Variants in NAGK observed in about 807,000 individuals in gnomAD.
The protein encoded by NAGK is N-acetyl-D-glucosamine kinase.
NAGK carries 35 observed loss-of-function variants against 42.9 expected under a neutral mutation model. That is an observed-to-expected ratio of 0.82 (90% CI 0.62 to 1.08). The LOEUF (loss-of-function observed/expected upper bound fraction) is 1.08. Among genes scored for constraint, NAGK ranks in the 50% least tolerant of loss-of-function variants. The pLI is 0.00. For synonymous variants in NAGK, 172 were observed against 176.0 expected (o/e 0.98, Z 0.18); for missense variants, 446 against 446.0 (o/e 1.00, Z 0.00).
In NAGK at chr2:71,077,508, A is replaced by G. The variant is rs571980079; in HGVS notation, c.766-50A>G. ...GTCATAGGAAACTCCCGCCTTCAGCACTGGAGAGGCTAGGTTGGCCCCCAT... is the reference window on the plus strand; with the variant it reads ...GTCATAGGAAACTCCCGCCTTCAGCGCTGGAGAGGCTAGGTTGGCCCCCAT... On this transcript the variant is annotated intron_variant, in intron 8 of 9. Transcript: ENST00000244204. The G allele has an allele frequency of 3.2e-6, 5 of 1,548,986 alleles. No individual in the cohort carries two copies. The Admixed American group carries it at 9.5e-5, about 29-fold the overall frequency.
chr2:71,072,565 C>T lies in NAGK; in HGVS notation c.356-76C>T, dbSNP rs902495618. 6 of 1,267,748 alleles carry T rather than the reference C, an allele frequency of 4.7e-6. No individual in the cohort carries two copies. In the African/African-American group the frequency reaches 7.4e-5, roughly 16 times the overall value. 78.5% of individuals were successfully genotyped at this position (1,267,748 alleles called of 1,614,324 possible). On this transcript the variant is annotated intron_variant, in intron 4 of 9. Transcript: ENST00000244204. ...CCCTTGCCTGGGGCTGTTTTCTGTC[C>T]TGTCTTTCCACAGTGGCAAGCTGTT...
At position 71,071,714 on chromosome 2, in the gene NAGK, A is replaced by G; in HGVS notation, c.242A>G (p.Glu81Gly). The G allele has an allele frequency of 6.2e-7, 1 of 1,613,868 alleles. No individual in the cohort carries two copies. The change falls in exon 4 of 10, where the codon GAG becomes GGG. Residue 81 changes from glutamate to glycine, a missense_variant. Glu to Gly is a moderately conservative substitution (Grantham distance 98). Coordinates refer to ENST00000244204, the MANE Select transcript of NAGK (RefSeq NM_017567.6). ...CTATCTCTGAGCGGTGGGGACCAGG[A>G]GGACGCGGGGAGGATCCTGATCGAG... ...LGLSLSGGDQ[E>G]DAGRILIEEL...
intron 1 of NAGK, chr2:71,069,195 C>T: frequency 1.4e-6 from 1 of 728,766 alleles, no homozygotes; most frequent in Non-Finnish European, 1.7e-6. Flanking sequence ...GTCTGAAAAC[C>T]GCTCCATCCC....
intron 1 of NAGK, 141 bp downstream of exon 1, chr2:71,068,853 C>T (rs116652993): frequency 7.5e-5 from 104 of 1,378,528 alleles, no homozygotes; most frequent in Non-Finnish European, 9.6e-5. Flanking sequence ...TGTGTGCACG[C>T]GCAGGGGCGC....
chr2:71,076,042 T>A (rs1450566095), intron 7 of NAGK: 1 of 234,502 alleles, frequency 4.3e-6, no homozygotes, highest in African/African-American at 2.2e-5. Flanking sequence ...AGAGGGCTTG[T>A]ATATCTGTAC....
chr2:71,077,645 G>A lies in NAGK; in HGVS notation c.844+9G>A. 1.3e-6 allele frequency: 2 copies of A among 1,598,758 alleles called. No homozygotes were observed. Among genetic ancestry groups the A allele is most frequent in the Non-Finnish European group, 1.7e-6 (2 of 1,172,470 alleles). The stretch of plus-strand genomic sequence containing the variant: ...GGAGCTGCTGAAGGAAGGTGAGCCT[G>A]GGGGGAGGCTGGAAGGGCAAGGGCA... On this transcript the variant is annotated intron_variant, in intron 9 of 9. Transcript: ENST00000244204.
At chr2:71,077,922 G>T (rs959498417) in intron 9 of NAGK, among the ~76,000 whole-genome samples, 2 of 152,238 alleles carry the variant, frequency 1.3e-5, no homozygotes, top group African/African-American at 4.8e-5. Flanking sequence ...TAAAATTGGA[G>T]CACTGACTGG....
At chr2:71,070,952 C>T in intron 3 of NAGK, 113 bp downstream of exon 3, 1 of 1,066,650 alleles carries the variant, frequency 9.4e-7, no homozygotes, top group Non-Finnish European at 1.4e-6. Context: ...AAGACTTAGT[C>T]CCTGGTGTCA....
chr2:71,073,796 AG>A (rs1168909851), intron 6 of NAGK, among the ~76,000 whole-genome samples: 1 of 152,100 alleles, frequency 6.6e-6, no homozygotes, highest in Non-Finnish European at 1.5e-5. Context: ...GCATTCTAGG[AG>A]GGTGTCAGTC....
chr2:71,072,154 TAA>T lies in NAGK; in HGVS notation c.355+329_355+330del, dbSNP rs978295460. 6.5e-5 allele frequency: 21 copies of T among 320,758 alleles called. No individual in the cohort carries two copies. In the Admixed American group the frequency reaches 9.5e-4, roughly 15 times the overall value. The allele number at this position is 320,758 out of a possible 1,614,324, so 19.9% of individuals were successfully genotyped here. A position where few individuals can be genotyped will look rare whatever the true frequency, so the allele number is the denominator to read the frequency against. ...GAAGTGGGGTGGCCTTGTGATAGTG[TAA>T]AGAGTTTTGGTGTCATGGGATTGGT... On this transcript the variant is annotated intron_variant, in intron 4 of 9. Transcript: ENST00000244204.
intron 4 of NAGK, chr2:71,072,395 T>C (rs1013550980): frequency 8.3e-6 from 4 of 483,112 alleles, no homozygotes; most frequent in Non-Finnish European, 1.5e-5. Flanking sequence ...CCACATTCCC[T>C]CTAAGAGGTG....
chr2:71,070,366 G>A (rs1354955513), intron 1 of NAGK, 136 bp from the exon 2 acceptor site: 3 of 629,424 alleles, frequency 4.8e-6, no homozygotes, highest in Non-Finnish European at 8.4e-6. Context: ...CCACAGAGGC[G>A]GGTTTGGGAG....
At chr2:71,077,761 G>C in intron 9 of NAGK, 125 bp downstream of exon 9, 1 of 998,332 alleles carries the variant, frequency 1.0e-6, no homozygotes, top group South Asian at 1.4e-5. Context: ...ACAGGCCACT[G>C]ATGCTCCCGT....
chr2:71,076,428 T>G (rs1369310206), intron 7 of NAGK, 176 bp from the exon 8 acceptor site: 2 of 565,324 alleles, frequency 3.5e-6, no homozygotes. Context: ...GTAGCTGGTA[T>G]GTTTGTCAGT....
rs768554216 is a variant in NAGK at position 71,070,529 on chromosome 2, A to G, written c.57A>G (p.Leu19=). ...EGGGTRSEVL[L]VSEDGKILAE... is the part of the protein sequence containing the mutation. ...GAGGCACACGATCCGAGGTCCTTTT[A>G]GTCTCAGAGGATGGGAAGATCCTGG... Residue 19 remains leucine (L), a synonymous_variant, in exon 2 of 10, where the codon TTA becomes TTG. Coordinates refer to ENST00000244204, the MANE Select transcript of NAGK (RefSeq NM_017567.6). 19 of 1,613,936 alleles carry G rather than the reference A, an allele frequency of 1.2e-5. No homozygotes were observed. The highest frequency in any genetic ancestry group is 1.5e-5 in the Non-Finnish European group (18 of 1,179,988).
chr2:71,075,437 T>A, intron 6 of NAGK, 118 bp from the exon 7 acceptor site: 1 of 721,306 alleles, frequency 1.4e-6, no homozygotes. Context: ...ACTTTGGAGT[T>A]AAAAAAAATT....
intron 6 of NAGK, 83 bp downstream of exon 6, chr2:71,073,677 C>T: frequency 2.6e-6 from 3 of 1,144,774 alleles, no homozygotes; most frequent in East Asian, 2.3e-5. Context: ...CAGGGGAGGG[C>T]CTGGGCGGAC....
chr2:71,073,080 T>C (rs75562744), intron 5 of NAGK: 23,667 of 454,528 alleles, frequency 0.052, 2,527 homozygotes, highest in East Asian at 0.44. Flanking sequence ...CATACCAGTC[T>C]GCTAGGGGAA....
In NAGK at chr2:71,072,618, AGCCT is replaced by A; in HGVS notation, c.356-22_356-19del. 1 of 1,598,262 alleles carries A rather than the reference AGCCT, an allele frequency of 6.3e-7. No individual in the cohort carries two copies. The highest frequency in any genetic ancestry group is 8.6e-7 in the Non-Finnish European group (1 of 1,165,946). On this transcript the variant is annotated intron_variant, in intron 4 of 9. Coordinates refer to ENST00000244204, the MANE Select transcript of NAGK (RefSeq NM_017567.6). Reference sequence around the variant, plus strand: ...TCTGTGCCAGGCCTCGGCCACACTGAGCCTCCTATTCCCTTTCCCCAGGTGGAGT... The same window carrying A: ...TCTGTGCCAGGCCTCGGCCACACTGACCTATTCCCTTTCCCCAGGTGGAGT...
Sources: gnomAD v4.1 joint callset for allele counts (sites outside exome capture counted in the v4.1 genomes callset) on GRCh38, gnomAD v4.1.1 for gene constraint, MANE v1.5 for transcripts, NCBI Gene and HGNC (gene_info 2026-07-23, HGNC 2026-07-21) for gene names.